Variants in EPHA6 observed in about 807,000 individuals in gnomAD.
EPHA6 encodes ephrin type-A receptor 6.
Under a neutral mutation model 112.0 loss-of-function variants are expected in EPHA6, and 50 were observed. The ratio of observed to expected loss-of-function variants is 0.45; its 90% confidence interval spans 0.36 to 0.56. The LOEUF (loss-of-function observed/expected upper bound fraction) is 0.56, where lower values mean the gene tolerates loss of function less well. EPHA6 is among the 20% of genes least tolerant of loss of function. The pLI is 0.00. For synonymous variants in EPHA6, 529 were observed against 490.7 expected (o/e 1.08, Z -1.03); for missense variants, 1,280 against 1,417.4 (o/e 0.90, Z 1.56).
At chr3:97,218,753 C>A (rs2078106585) in intron 3 of EPHA6, among the ~76,000 whole-genome samples, 1 of 152,146 alleles carries the variant, frequency 6.6e-6, no homozygotes, top group Non-Finnish European at 1.5e-5. Context: ...TCATGCCTTC[C>A]CAACTGTCCC....
chr3:97,670,039 A>AT (rs948005554), intron 14 of EPHA6, among the ~76,000 whole-genome samples: 17 of 152,194 alleles, frequency 1.1e-4, no homozygotes, highest in African/African-American at 3.9e-4. Context: ...TGGTTGGAGG[A>AT]TTTTCTCTTC....
At chr3:97,721,379 T>C (rs1456513129) in intron 15 of EPHA6, among the ~76,000 whole-genome samples, 4 of 152,198 alleles carry the variant, frequency 2.6e-5, no homozygotes, top group African/African-American at 9.7e-5. Flanking sequence ...AAATTTATCC[T>C]TTTCTAATGT....
intron 10 of EPHA6, among the ~76,000 whole-genome samples, chr3:97,519,063 CTT>C (rs1379862557): frequency 1.3e-5 from 2 of 152,116 alleles, no homozygotes; most frequent in Admixed American, 1.3e-4. Context: ...GCCATACAAA[CTT>C]TGCATAGCCC....
chr3:97,411,470 T>A (rs1370294507), intron 6 of EPHA6, among the ~76,000 whole-genome samples: 1 of 152,142 alleles, frequency 6.6e-6, no homozygotes, highest in East Asian at 1.9e-4. Flanking sequence ...TCCTGTTTTA[T>A]AAAAGTTATT....
At chr3:96,907,860 A>G (rs2039015765) in intron 2 of EPHA6, among the ~76,000 whole-genome samples, 1 of 151,936 alleles carries the variant, frequency 6.6e-6, no homozygotes, top group Non-Finnish European at 1.5e-5. Context: ...TTCTTTCTGT[A>G]TGAGTTCATA....
At chr3:97,164,091 G>T (rs1383535909) in intron 3 of EPHA6, among the ~76,000 whole-genome samples, 2 of 152,122 alleles carry the variant, frequency 1.3e-5, no homozygotes, top group Non-Finnish European at 2.9e-5. Flanking sequence ...ACAATAGGAG[G>T]TAACTAGCCA....
chr3:97,689,768 A>G (rs2032528655), intron 14 of EPHA6, among the ~76,000 whole-genome samples: 1 of 152,084 alleles, frequency 6.6e-6, no homozygotes, highest in East Asian at 1.9e-4. Context: ...CACCCCCCCT[A>G]AAAATCTCAT....
At chr3:96,988,273 A>G (rs2856474) in intron 3 of EPHA6, among the ~76,000 whole-genome samples, 8,320 of 152,256 alleles carry the variant, frequency 0.055, 288 homozygotes, top group Middle Eastern at 0.12. Flanking sequence ...AAAGCAATTG[A>G]TTCATATTAA....
At chr3:96,957,726 G>A (rs913429551) in intron 2 of EPHA6, among the ~76,000 whole-genome samples, 1 of 152,190 alleles carries the variant, frequency 6.6e-6, no homozygotes, top group African/African-American at 2.4e-5. Flanking sequence ...TGAATAAAGA[G>A]AGAGATTCTA....
intron 6 of EPHA6, among the ~76,000 whole-genome samples, chr3:97,435,542 T>C (rs2089779006): frequency 6.6e-6 from 1 of 152,136 alleles, no homozygotes; most frequent in South Asian, 2.1e-4. Context: ...CAACAATCAA[T>C]ATATACAGAT....
At chr3:97,544,804 C>T (rs1019797888) in intron 11 of EPHA6, among the ~76,000 whole-genome samples, 5 of 152,104 alleles carry the variant, frequency 3.3e-5, no homozygotes, top group African/African-American at 1.2e-4. Context: ...TCAACTTCTT[C>T]CTGGTTTAGT....
At chr3:97,185,909 G>A (rs2077115988) in intron 3 of EPHA6, among the ~76,000 whole-genome samples, 1 of 152,016 alleles carries the variant, frequency 6.6e-6, no homozygotes, top group Admixed American at 6.6e-5. Context: ...CATGTCCTTT[G>A]TAGGGACATG....
intron 11 of EPHA6, among the ~76,000 whole-genome samples, chr3:97,582,029 TA>T (rs1026598196): frequency 1.3e-5 from 2 of 152,158 alleles, no homozygotes; most frequent in African/African-American, 4.8e-5. Context: ...TATTTCATTT[TA>T]TTTTTTTTTT....
At chr3:97,710,587 A>C (rs2107762537) in intron 14 of EPHA6, among the ~76,000 whole-genome samples, 1 of 152,322 alleles carries the variant, frequency 6.6e-6, no homozygotes, top group East Asian at 1.9e-4. Context: ...TCACTGGGGT[A>C]TTACATATAT....
intron 5 of EPHA6, among the ~76,000 whole-genome samples, chr3:97,287,382 G>T (rs956655345): frequency 6.6e-6 from 1 of 151,814 alleles, no homozygotes. Flanking sequence ...TAACAATGGC[G>T]TGAACCTGGG....
At chr3:97,330,189 G>T (rs1365689756) in intron 5 of EPHA6, among the ~76,000 whole-genome samples, 18 of 151,910 alleles carry the variant, frequency 1.2e-4, no homozygotes, top group Admixed American at 1.2e-3. Flanking sequence ...CTCTGTTTTG[G>T]TACCAGTACC....
At chr3:96,907,638 G>A (rs763167043) in intron 2 of EPHA6, among the ~76,000 whole-genome samples, 14 of 151,512 alleles carry the variant, frequency 9.2e-5, no homozygotes, top group Non-Finnish European at 1.6e-4. Context: ...AAAAGATATA[G>A]GTGTATTTCA....
At chr3:97,311,015 G>A (rs1236388946) in intron 5 of EPHA6, among the ~76,000 whole-genome samples, 1 of 151,518 alleles carries the variant, frequency 6.6e-6, no homozygotes, top group East Asian at 1.9e-4. Flanking sequence ...TCAACCTGAT[G>A]AGTAACATAG....
intron 4 of EPHA6, among the ~76,000 whole-genome samples, chr3:97,228,375 C>T (rs1005738251): frequency 4.6e-5 from 7 of 151,968 alleles, no homozygotes; most frequent in African/African-American, 1.7e-4. Context: ...TGTTGTTGCT[C>T]CTCATACCTT....
Sources: gnomAD v4.1 joint callset for allele counts (sites outside exome capture counted in the v4.1 genomes callset) on GRCh38, gnomAD v4.1.1 for gene constraint, MANE v1.5 for transcripts, NCBI Gene and HGNC (gene_info 2026-07-23, HGNC 2026-07-21) for gene names.